The following KCTD16 variants were observed in gnomAD, a reference collection of about 807,000 sequenced individuals.
KCTD16 encodes the protein BTB/POZ domain-containing protein KCTD16.
KCTD16 carries 13 observed loss-of-function variants against 33.2 expected under a neutral mutation model. The ratio of observed to expected loss-of-function variants is 0.39; its 90% confidence interval spans 0.25 to 0.62. The LOEUF (loss-of-function observed/expected upper bound fraction) is 0.62, where lower values mean the gene tolerates loss of function less well. Ranked by LOEUF, KCTD16 falls within the 20% of genes least tolerant of loss-of-function variation. The pLI is 0.50. For synonymous variants in KCTD16, 197 were observed against 195.3 expected (o/e 1.01, Z -0.07); for missense variants, 441 against 525.1 (o/e 0.84, Z 1.57).
chr5:144,381,185 A>G (rs186804896), intron 3 of KCTD16, among the ~76,000 whole-genome samples: 23 of 152,158 alleles, frequency 1.5e-4, no homozygotes, highest in Admixed American at 6.5e-4. Flanking sequence ...ATACAAGCAT[A>G]TGAAAAAAAA....
rs1167624622 is a variant in KCTD16, at chr5:144,477,259, A to G, written c.*3145A>G. On this transcript the variant is annotated 3_prime_UTR_variant, in exon 4 of 4. Coordinates refer to ENST00000512467, the MANE Select transcript of KCTD16 (RefSeq NM_020768.4). The stretch of plus-strand genomic sequence containing the variant: ...AATTGCACTGAAATGCTGACAAAAA[A>G]TAATGAAATGAAGTGGCTTCCAAAA... The G allele has an allele frequency of 1.3e-5, 2 of 152,154 alleles. No homozygotes were observed. The highest frequency in any genetic ancestry group is 2.9e-5 in the Non-Finnish European group (2 of 67,998). 9.4% of individuals were successfully genotyped at this position (152,154 alleles called of 1,614,324 possible).
Position 144,477,994 on chromosome 5 carries a change from T to C in KCTD16, c.*3880T>C, listed in dbSNP as rs959962219. The C allele has an allele frequency of 2.6e-5, 4 of 152,232 alleles. No homozygotes were observed. The highest frequency in any genetic ancestry group is 2.6e-4 in the Admixed American group (4 of 15,274). 9.4% of individuals were successfully genotyped at this position (152,232 alleles called of 1,614,324 possible). A position where few individuals can be genotyped will look rare whatever the true frequency, so the allele number is the denominator to read the frequency against. On this transcript the variant is annotated 3_prime_UTR_variant, in exon 4 of 4. Coordinates refer to ENST00000512467, the MANE Select transcript of KCTD16 (RefSeq NM_020768.4). ...GGAGTTTATTTTTCCTTATGGTGAC[T>C]CTGTGGCAGATAAATGTTTTTGCCA...
chr5:144,219,429 G>GTC (rs1753665977), intron 3 of KCTD16, among the ~76,000 whole-genome samples: 1 of 149,282 alleles, frequency 6.7e-6, no homozygotes, highest in African/African-American at 2.5e-5. Context: ...GGCCAGGCTG[G>GTC]TCTCAAACTC....
intron 3 of KCTD16, among the ~76,000 whole-genome samples, chr5:144,242,269 C>T (rs564802662): frequency 6.6e-6 from 1 of 151,844 alleles, no homozygotes; most frequent in South Asian, 2.1e-4. Context: ...TCATGTTAGT[C>T]TTGTCTATAA....
intron 3 of KCTD16, among the ~76,000 whole-genome samples, chr5:144,310,854 C>T (rs1186106348): frequency 1.3e-5 from 2 of 152,148 alleles, no homozygotes; most frequent in African/African-American, 2.4e-5. Flanking sequence ...TACTTCTTCC[C>T]ACCTTTGTTT....
intron 3 of KCTD16, among the ~76,000 whole-genome samples, chr5:144,446,457 A>G (rs1215920930): frequency 1.3e-5 from 2 of 152,138 alleles, no homozygotes; most frequent in African/African-American, 2.4e-5. Context: ...AAATCTCTGG[A>G]AGAAAACCTA....
At chr5:144,393,519 G>A (rs989178866) in intron 3 of KCTD16, among the ~76,000 whole-genome samples, 1 of 152,046 alleles carries the variant, frequency 6.6e-6, no homozygotes, top group Admixed American at 6.6e-5. Context: ...TCAAATATCT[G>A]TTCTTAGTTT....
intron 3 of KCTD16, among the ~76,000 whole-genome samples, chr5:144,277,107 G>C (rs961274992): frequency 3.9e-5 from 6 of 152,072 alleles, no homozygotes; most frequent in South Asian, 2.1e-4. Context: ...TTCCCTGTGG[G>C]TGAAAAACTC....
chr5:144,372,566 G>A (rs542783847), intron 3 of KCTD16, among the ~76,000 whole-genome samples: 106 of 152,152 alleles, frequency 7.0e-4, no homozygotes, highest in Non-Finnish European at 1.4e-3. Context: ...TGAGAGTTTA[G>A]GGAAGAAGCC....
intron 3 of KCTD16, among the ~76,000 whole-genome samples, chr5:144,471,785 T>C (rs1561620548): frequency 6.6e-6 from 1 of 152,324 alleles, no homozygotes; most frequent in East Asian, 1.9e-4. Context: ...TGTGATTCCT[T>C]TTTGGCTAAT....
chr5:144,475,443 A>G lies in KCTD16; in HGVS notation c.*1329A>G, dbSNP rs996842403. 1.3e-5 allele frequency: 2 copies of G among 152,550 alleles called. No individual in the cohort carries two copies. The highest frequency in any genetic ancestry group is 2.9e-5 in the Non-Finnish European group (2 of 68,046). 9.4% of individuals were successfully genotyped at this position (152,550 alleles called of 1,614,324 possible). ...AAATGAAACTATCTTTTTCAATTAC[A>G]TCCTGACTTGTATAGACACAGCCAA... On this transcript the variant is annotated 3_prime_UTR_variant, in exon 4 of 4. Transcript: ENST00000512467.
intron 2 of KCTD16, among the ~76,000 whole-genome samples, chr5:144,201,748 C>G (rs1204914113): frequency 6.6e-6 from 1 of 152,180 alleles, no homozygotes; most frequent in Non-Finnish European, 1.5e-5. Flanking sequence ...TGATGGTCAT[C>G]CCTCCATAAA....
intron 3 of KCTD16, among the ~76,000 whole-genome samples, chr5:144,467,640 A>C (rs1048404493): frequency 6.6e-6 from 1 of 152,218 alleles, no homozygotes; most frequent in African/African-American, 2.4e-5. Context: ...CAAAGGGAAG[A>C]TCACACACAA....
intron 3 of KCTD16, among the ~76,000 whole-genome samples, chr5:144,245,246 C>T (rs1286532731): frequency 6.6e-6 from 1 of 152,000 alleles, no homozygotes; most frequent in Non-Finnish European, 1.5e-5. Context: ...AAGAATCAAA[C>T]TAATAAATGG....
intron 3 of KCTD16, among the ~76,000 whole-genome samples, chr5:144,399,830 G>C (rs1298538644): frequency 6.6e-6 from 1 of 152,146 alleles, no homozygotes; most frequent in Non-Finnish European, 1.5e-5. Flanking sequence ...TGTGAGCAAA[G>C]ATCTAAGATT....
chr5:144,217,138 A>C (rs1309178832), intron 3 of KCTD16, among the ~76,000 whole-genome samples: 1 of 152,248 alleles, frequency 6.6e-6, no homozygotes, highest in African/African-American at 2.4e-5. Flanking sequence ...CCCCAAACAG[A>C]GAATGAGCTG....
chr5:144,411,659 G>A (rs1402241103), intron 3 of KCTD16, among the ~76,000 whole-genome samples: 4 of 151,962 alleles, frequency 2.6e-5, no homozygotes. Flanking sequence ...AAAAGCATAG[G>A]GAACAAAAGC....
In KCTD16 at chr5:144,326,746, TTTTA is replaced by T. The variant is rs1257372692; in HGVS notation, c.832+119204_832+119207del. The stretch of plus-strand genomic sequence containing the variant: ...AAGAAAGAAAGAAAAATCCAGTTCC[TTTTA>T]TTTGCCTCTAGGACCTAATTCTTTG... On this transcript the variant is annotated intron_variant, in intron 3 of 3. Coordinates refer to ENST00000512467, the MANE Select transcript of KCTD16 (RefSeq NM_020768.4). Among the ~76,000 whole-genome samples the T allele has an allele frequency of 3.3e-5, 5 of 152,118 alleles. No individual in the cohort carries two copies. The East Asian group carries it at 9.6e-4, about 29-fold the overall frequency.
intron 3 of KCTD16, among the ~76,000 whole-genome samples, chr5:144,384,524 A>T: frequency 6.6e-6 from 1 of 152,324 alleles, no homozygotes; most frequent in Non-Finnish European, 1.5e-5. Flanking sequence ...TTTTTTCATT[A>T]TAGCGAAATA....
Sources: gnomAD v4.1 joint callset for allele counts (sites outside exome capture counted in the v4.1 genomes callset) on GRCh38, gnomAD v4.1.1 for gene constraint, MANE v1.5 for transcripts, NCBI Gene and HGNC (gene_info 2026-07-23, HGNC 2026-07-21) for gene names.